DNAH6: variants seen among roughly 807,000 people sequenced by gnomAD.
The protein encoded by DNAH6 is dynein axonemal heavy chain 6.
A neutral mutation model predicts 491.4 loss-of-function variants in DNAH6; 340 were observed. The ratio of observed to expected loss-of-function variants is 0.69; its 90% confidence interval spans 0.63 to 0.76. The LOEUF (loss-of-function observed/expected upper bound fraction) is 0.76, where lower values mean the gene tolerates loss of function less well. Ranked by LOEUF, DNAH6 falls within the 30% of genes least tolerant of loss-of-function variation. The pLI, the probability that DNAH6 is intolerant of heterozygous loss-of-function variation, is 0.00. For synonymous variants in DNAH6, 1,603 were observed against 1,686.1 expected (o/e 0.95, Z 1.21); for missense variants, 4,443 against 4,972.2 (o/e 0.89, Z 3.20).
intron 70 of DNAH6, among the ~76,000 whole-genome samples, chr2:84,799,337 C>G (rs1194523259): frequency 2.0e-5 from 3 of 152,230 alleles, no homozygotes; most frequent in African/African-American, 7.2e-5. Context: ...CCACTTTTCC[C>G]TTACTGAGTT....
chr2:84,610,432 A>T (rs1686213616), intron 21 of DNAH6, among the ~76,000 whole-genome samples: 1 of 152,160 alleles, frequency 6.6e-6, no homozygotes, highest in African/African-American at 2.4e-5. Context: ...TGAATGCCAC[A>T]TCTTGGGGGC....
At position 84,812,351 on chromosome 2, in the gene DNAH6, A is replaced by G; in HGVS notation, c.11750A>G (p.Glu3917Gly). 6.4e-7 allele frequency: 1 copy of G among 1,551,918 alleles called. No homozygotes were observed. The highest frequency in any genetic ancestry group is 8.7e-7 in the Non-Finnish European group (1 of 1,147,010). The stretch of plus-strand genomic sequence containing the variant: ...TTTTTGTTCTTTCAGACTTCTCTGG[A>G]AACACTCAACAAAGCCATCGCTGGA... ...NLLKLIHTSLETLNKAIAGFV... is the reference protein window; with the variant it reads ...NLLKLIHTSLGTLNKAIAGFV... Residue 3917 changes from glutamate (E) to glycine (G), a missense_variant, in exon 73 of 77, where the codon GAA becomes GGA. Coordinates refer to ENST00000389394, the MANE Select transcript of DNAH6 (RefSeq NM_001370.2).
chr2:84,521,853 C>T lies in DNAH6; in HGVS notation c.226-3712C>T, dbSNP rs574821757. ...CTACATGTCTGTTTTTGTACCAGTA[C>T]CATGTTGTTTTGGTTACTGTAGCCC... On this transcript the variant is annotated intron_variant, in intron 2 of 76. Transcript: ENST00000389394. Among the ~76,000 whole-genome samples, 3 of 152,168 alleles carry T rather than the reference C, an allele frequency of 2.0e-5. 1 individual carries two copies. Among genetic ancestry groups the T allele is most frequent in the African/African-American group, 7.2e-5 (3 of 41,518 alleles).
At chr2:84,463,073 G>T in the DNAH6 span, among the ~76,000 whole-genome samples, 3 of 152,154 alleles carry the variant, frequency 2.0e-5, no homozygotes, top group African/African-American at 7.2e-5. Context: ...GCAGGGGAGT[G>T]GGGGAGGAGT....
At chr2:84,785,835 T>C (rs1420097691) in intron 67 of DNAH6, 79 bp downstream of exon 67, 3 of 1,337,654 alleles carry the variant, frequency 2.2e-6, no homozygotes, top group Admixed American at 6.2e-5. Flanking sequence ...AAGTGAAAGC[T>C]TATAAATGTC....
chr2:84,611,611 A>G (rs1558795045), intron 21 of DNAH6, 63 bp from the exon 22 acceptor site: 2 of 1,371,820 alleles, frequency 1.5e-6, no homozygotes, highest in East Asian at 5.0e-5. Flanking sequence ...CATGATTTTT[A>G]CTGTAACCAT....
chr2:84,528,359 C>A (rs1201407998), intron 3 of DNAH6, among the ~76,000 whole-genome samples: 2 of 152,072 alleles, frequency 1.3e-5, no homozygotes, highest in Non-Finnish European at 2.9e-5. Flanking sequence ...AAAAAACAGC[C>A]GATATTAGTT....
At chr2:84,465,719 A>G in the DNAH6 span, among the ~76,000 whole-genome samples, 57 of 152,272 alleles carry the variant, frequency 3.7e-4, no homozygotes, top group African/African-American at 1.3e-3. Context: ...TATTGATCCA[A>G]ATTTTTACAT....
At chr2:84,641,790 C>T (rs1313279905) in intron 32 of DNAH6, among the ~76,000 whole-genome samples, 157 bp from the exon 33 acceptor site, 1 of 152,176 alleles carries the variant, frequency 6.6e-6, no homozygotes, top group Non-Finnish European at 1.5e-5. Flanking sequence ...TGTCAGTATG[C>T]TCTGATGGAG....
At chr2:84,462,948 T>C in the DNAH6 span, among the ~76,000 whole-genome samples, 1 of 152,066 alleles carries the variant, frequency 6.6e-6, no homozygotes, top group Non-Finnish European at 1.5e-5. Context: ...TGCCATCCTC[T>C]GAGGCAAGGA....
Position 84,672,369 on chromosome 2 carries a change from TA to T in DNAH6, c.6500del (p.Asn2167ThrfsTer40). 6.4e-7 allele frequency: 1 copy of T among 1,551,338 alleles called. No homozygotes were observed. Among genetic ancestry groups the T allele is most frequent in the Non-Finnish European group, 8.7e-7 (1 of 1,146,674 alleles). On this transcript the variant is annotated frameshift_variant, in exon 40 of 77. Transcript: ENST00000389394. LOFTEE classifies it high-confidence loss of function. ...CGAATTGTGATTTTTGTTGATGATT[TA>T]AACATGCCCAGACTGGATCGCTATG... The part of the protein sequence containing the change: ...NKRIVIFVDD[L>X]NMPRLDRYGS...
Position 84,812,538 on chromosome 2 carries a change from C to G in DNAH6, c.11925+12C>G. The G allele has an allele frequency of 6.5e-7, 1 of 1,544,926 alleles. No individual in the cohort carries two copies. The highest frequency in any genetic ancestry group is 8.7e-7 in the Non-Finnish European group (1 of 1,144,252). On this transcript the variant is annotated intron_variant, in intron 73 of 76. Coordinates refer to ENST00000389394, the MANE Select transcript of DNAH6 (RefSeq NM_001370.2). ...CCTCATTTGTGGATGTAAGAAAATT[C>G]CTTTCACTGGGTTTTGATGAATCTG...
intron 9 of DNAH6, among the ~76,000 whole-genome samples, chr2:84,551,710 G>A (rs1227318702): frequency 6.6e-6 from 1 of 152,070 alleles, no homozygotes; most frequent in Non-Finnish European, 1.5e-5. Flanking sequence ...ACACACTGAC[G>A]TATACTCTCC....
rs1480910321 is a variant in DNAH6, at chr2:84,715,639, G to A, written c.9611+12G>A. The A allele has an allele frequency of 1.0e-5, 16 of 1,549,644 alleles. No individual in the cohort carries two copies. The highest frequency in any genetic ancestry group is 1.4e-5 in the Non-Finnish European group (16 of 1,145,642). The stretch of plus-strand genomic sequence containing the variant: ...GATCAGTTGTTAAGGTAAAAAAACA[G>A]GGAGTTGAGGGGAGGGAAGGGGGTA... On this transcript the variant is annotated intron_variant, in intron 58 of 76. Coordinates refer to ENST00000389394, the MANE Select transcript of DNAH6 (RefSeq NM_001370.2).
intron 11 of DNAH6, among the ~76,000 whole-genome samples, chr2:84,565,707 G>A (rs1409092137): frequency 6.6e-6 from 1 of 151,886 alleles, no homozygotes; most frequent in African/African-American, 2.4e-5. Context: ...CTATTGTTGT[G>A]TGACTGTCTA....
At chr2:84,510,496 T>G in the DNAH6 span, among the ~76,000 whole-genome samples, 1 of 152,214 alleles carries the variant, frequency 6.6e-6, no homozygotes, top group African/African-American at 2.4e-5. Context: ...TCAATGTTTT[T>G]AACTTCTTTG....
the DNAH6 span, among the ~76,000 whole-genome samples, chr2:84,470,905 G>A: frequency 6.6e-6 from 1 of 152,190 alleles, no homozygotes; most frequent in Non-Finnish European, 1.5e-5. Flanking sequence ...CGAGCTCTGG[G>A]AGCCATGCTA....
intron 33 of DNAH6, among the ~76,000 whole-genome samples, chr2:84,644,866 C>T (rs7587981): frequency 0.069 from 10,535 of 152,112 alleles, 1,212 homozygotes; most frequent in African/African-American, 0.24. Context: ...GTTGGTTACA[C>T]GTCTTTGCTA....
chr2:84,799,589 T>G (rs1282748106), intron 70 of DNAH6, among the ~76,000 whole-genome samples: 1 of 152,216 alleles, frequency 6.6e-6, no homozygotes, highest in Non-Finnish European at 1.5e-5. Context: ...TTTGAACAAC[T>G]GCATCACCAA....
Sources: allele counts gnomAD v4.1 joint callset (sites outside exome capture counted in the v4.1 genomes callset), GRCh38; gene constraint gnomAD v4.1.1; transcripts MANE v1.5; gene names NCBI Gene and HGNC (gene_info 2026-07-23, HGNC 2026-07-21).